The following C2CD3 variants were observed in gnomAD, a reference collection of about 807,000 sequenced individuals.
The protein encoded by C2CD3 is C2 domain containing 3 centriole elongation regulator.
C2CD3 carries 148 observed loss-of-function variants against 234.0 expected under a neutral mutation model. The ratio of observed to expected loss-of-function variants is 0.63; its 90% CI spans 0.55 to 0.72. The LOEUF (loss-of-function observed/expected upper bound fraction) is 0.72, where lower values mean the gene tolerates loss of function less well. Ranked by LOEUF, C2CD3 falls within the 30% of genes least tolerant of loss-of-function variation. The pLI, the probability that C2CD3 is intolerant of heterozygous loss-of-function variation, is 0.00. For missense variants in C2CD3, 2,577 were observed against 2,811.5 expected (o/e 0.92, Z 1.89); for synonymous variants, 1,000 against 1,035.4 (o/e 0.97, Z 0.66).
chr11:74,153,503 T>C (rs1453952854), intron 3 of C2CD3, among the ~76,000 whole-genome samples: 2 of 152,160 alleles, frequency 1.3e-5, no homozygotes, highest in East Asian at 3.8e-4. Context: ...TATGCAAGCC[T>C]GCATGATGCT....
At chr11:74,015,222 T>G (rs1288411716) in intron 32 of C2CD3, among the ~76,000 whole-genome samples, 1 of 152,174 alleles carries the variant, frequency 6.6e-6, no homozygotes, top group East Asian at 1.9e-4. Context: ...GACAGGAGCC[T>G]GGGAGCTGCT....
At chr11:74,117,361 AAT>A (rs71469494) in intron 9 of C2CD3, among the ~76,000 whole-genome samples, 31,555 of 93,914 alleles carry the variant, frequency 0.34, 6,180 homozygotes, top group Middle Eastern at 0.48. Flanking sequence ...TTTGGCCTCA[AAT>A]ATATATATAT....
At chr11:74,044,214 T>C (rs1448095987) in intron 28 of C2CD3, among the ~76,000 whole-genome samples, 1 of 151,820 alleles carries the variant, frequency 6.6e-6, no homozygotes, top group Non-Finnish European at 1.5e-5. Flanking sequence ...TCCCAGCACT[T>C]TGGGAGGCCG....
intron 9 of C2CD3, among the ~76,000 whole-genome samples, chr11:74,116,989 T>C (rs534639563): frequency 3.0e-4 from 38 of 126,562 alleles, no homozygotes; most frequent in Admixed American, 1.3e-3. Flanking sequence ...TATATACACA[T>C]ATACGTGTAT....
chr11:74,123,523 G>A (rs1044251339), intron 7 of C2CD3, among the ~76,000 whole-genome samples: 1 of 151,984 alleles, frequency 6.6e-6, no homozygotes, highest in Non-Finnish European at 1.5e-5. Context: ...ATTATATATC[G>A]ATTTTGCAAA....
chr11:74,032,468 G>A (rs1199021247), intron 31 of C2CD3, among the ~76,000 whole-genome samples: 2 of 149,350 alleles, frequency 1.3e-5, no homozygotes, highest in African/African-American at 5.2e-5. Flanking sequence ...TAAAAGGAAG[G>A]AGTGGGGAAT....
intron 2 of C2CD3, 95 bp downstream of exon 2, chr11:74,168,249 C>G: frequency 4.2e-6 from 4 of 957,342 alleles, no homozygotes; most frequent in Non-Finnish European, 6.4e-6. Flanking sequence ...TAAGAATGCC[C>G]ATATATGCTA....
At chr11:74,069,355 C>T (rs1196681666) in intron 24 of C2CD3, among the ~76,000 whole-genome samples, 1 of 152,098 alleles carries the variant, frequency 6.6e-6, no homozygotes, top group Non-Finnish European at 1.5e-5. Flanking sequence ...GGAAGCAGCC[C>T]AAAAGAAGGC....
chr11:74,088,901 T>C (rs1281500083), intron 20 of C2CD3, among the ~76,000 whole-genome samples: 9 of 152,214 alleles, frequency 5.9e-5, no homozygotes. Context: ...AAGTTGGACC[T>C]TATTATATGG....
intron 24 of C2CD3, among the ~76,000 whole-genome samples, chr11:74,068,449 C>G (rs542093757): frequency 7.9e-5 from 12 of 152,306 alleles, no homozygotes; most frequent in African/African-American, 2.6e-4. Flanking sequence ...TGACTTCCCA[C>G]TGCCCTTTGT....
At chr11:74,019,126 CAG>C (rs1951986779) in intron 32 of C2CD3, among the ~76,000 whole-genome samples, 1 of 152,132 alleles carries the variant, frequency 6.6e-6, no homozygotes, top group Non-Finnish European at 1.5e-5. Flanking sequence ...CAAGCTCTGC[CAG>C]AGAGAGGGCT....
chr11:74,060,133 G>T (rs557466184), intron 24 of C2CD3, among the ~76,000 whole-genome samples: 1 of 152,342 alleles, frequency 6.6e-6, no homozygotes, highest in East Asian at 1.9e-4. Context: ...CTCGAACTGG[G>T]TGGAGCCCAT....
chr11:74,120,782 T>C (rs566319797), intron 8 of C2CD3, among the ~76,000 whole-genome samples: 1 of 152,288 alleles, frequency 6.6e-6, no homozygotes, highest in South Asian at 2.1e-4. Flanking sequence ...CATCCTCTCC[T>C]TCAAGAATGA....
At chr11:74,059,229 T>C (rs1954098473) in intron 24 of C2CD3, among the ~76,000 whole-genome samples, 1 of 151,772 alleles carries the variant, frequency 6.6e-6, no homozygotes, top group Admixed American at 6.6e-5. Flanking sequence ...CCTAACATGG[T>C]GAAACCCCGT....
chr11:74,021,002 G>A (rs1460881637), intron 32 of C2CD3, among the ~76,000 whole-genome samples: 1 of 152,220 alleles, frequency 6.6e-6, no homozygotes. Flanking sequence ...AATAATGATG[G>A]TTGAGACCAG....
intron 8 of C2CD3, among the ~76,000 whole-genome samples, chr11:74,118,838 C>G (rs1957114794): frequency 1.3e-5 from 2 of 151,860 alleles, no homozygotes; most frequent in African/African-American, 4.8e-5. Context: ...GGCTTCAAAG[C>G]CTGTATTTCT....
rs1951761166 is a variant in C2CD3 at position 74,013,382 on chromosome 11, G to T, written c.*3C>A. 2 of 989,124 alleles carry T rather than the reference G, an allele frequency of 2.0e-6. No homozygotes were observed. Among genetic ancestry groups the T allele is most frequent in the African/African-American group, 1.7e-5 (1 of 58,862 alleles). The allele number at this position is 989,124 out of a possible 1,614,324, so 61.3% of individuals were successfully genotyped here. A position where few individuals can be genotyped will look rare whatever the true frequency, so the allele number is the denominator to read the frequency against. ...CTCCTTCCCCCCAGCCCCTCAGGCT[G>T]CGTCAGTCTTTCTGGGAGTACTGAG... On this transcript the variant is annotated 3_prime_UTR_variant, in exon 33 of 33. Coordinates refer to ENST00000334126, the MANE Select transcript of C2CD3 (RefSeq NM_001286577.2).
intron 32 of C2CD3, among the ~76,000 whole-genome samples, chr11:74,019,052 C>CT (rs200190104): frequency 3.6e-4 from 54 of 152,096 alleles, no homozygotes; most frequent in African/African-American, 1.2e-3. Flanking sequence ...CTCCTCAACC[C>CT]TTTTTTTTGT....
At chr11:74,116,908 ATGTATATATACATATACACG>A (rs1235557514) in intron 9 of C2CD3, among the ~76,000 whole-genome samples, 2 of 119,780 alleles carry the variant, frequency 1.7e-5, no homozygotes, top group African/African-American at 6.3e-5. Flanking sequence ...ACACACGTGT[ATGTATATATACATATACACG>A]TGTATATACA....
Sources: gnomAD v4.1 joint callset for allele counts (sites outside exome capture counted in the v4.1 genomes callset) on GRCh38, gnomAD v4.1.1 for gene constraint, MANE v1.5 for transcripts, NCBI Gene and HGNC (gene_info 2026-07-23, HGNC 2026-07-21) for gene names.